RC3H1: variants seen among roughly 807,000 people sequenced by gnomAD.
The protein encoded by RC3H1 is ring finger and CCCH-type domains 1, also known as roquin-1.
A neutral mutation model predicts 138.2 loss-of-function variants in RC3H1; 50 were observed. That is an observed-to-expected ratio of 0.36 (90% CI 0.29 to 0.46). The LOEUF is 0.46. RC3H1 is among the 20% of genes least tolerant of loss of function. The pLI is 1.00. For synonymous variants in RC3H1, 462 were observed against 489.1 expected, an observed-to-expected ratio of 0.94 and a Z score of 0.73; for missense variants, 1,031 against 1,388.1, an observed-to-expected ratio of 0.74 and a Z score of 4.09.
chr1:173,980,255 GAA>G (rs1209819661), intron 6 of RC3H1, among the ~76,000 whole-genome samples: 66 of 76,130 alleles, frequency 8.7e-4, no homozygotes, highest in African/African-American at 3.3e-3. Flanking sequence ...TTAGAAATAG[GAA>G]AAAAAAAAAA....
rs1659914919 is a variant in RC3H1 at position 173,962,149 on chromosome 1, T to C, written c.1832-54A>G. 6.7e-6 allele frequency: 10 copies of C among 1,491,646 alleles called. No homozygotes were observed. The South Asian group carries it at 1.2e-4, about 18-fold the overall frequency. The allele number at this position is 1,491,646 out of a possible 1,614,324, so 92.4% of individuals were successfully genotyped here. On this transcript the variant is annotated intron_variant, in intron 11 of 19. Coordinates refer to ENST00000367696, the MANE Select transcript of RC3H1 (RefSeq NM_172071.4). Reference sequence around the variant, plus strand: ...CAAATAATGAGCCAATTTAGTTTTCTATGTAAGATTTTACCTTTTAAAATA... The same window carrying C: ...CAAATAATGAGCCAATTTAGTTTTCCATGTAAGATTTTACCTTTTAAAATA...
intron 7 of RC3H1, among the ~76,000 whole-genome samples, chr1:173,976,759 T>C (rs1285648164): frequency 6.6e-6 from 1 of 152,164 alleles, no homozygotes; most frequent in Non-Finnish European, 1.5e-5. Flanking sequence ...GTAACATTGA[T>C]CTGGTTTACT....
chr1:174,017,944 T>G (rs1661893379), intron 1 of RC3H1, among the ~76,000 whole-genome samples: 1 of 152,148 alleles, frequency 6.6e-6, no homozygotes, highest in Admixed American at 6.6e-5. Flanking sequence ...AACATTGTTA[T>G]GCCTGTAATC....
rs1275175681 is a variant in RC3H1 at position 173,965,146 on chromosome 1, C to A, written c.1335-26G>T. On this transcript the variant is annotated intron_variant, in intron 9 of 19. Coordinates refer to ENST00000367696, the MANE Select transcript of RC3H1 (RefSeq NM_172071.4). ...CTATATAAAAAGCATAGGCACATAT[C>A]AAAAAGCAAATATAAAAGCAAAACC... The A allele has an allele frequency of 1.9e-6, 3 of 1,567,176 alleles. No individual in the cohort carries two copies. The highest frequency in any genetic ancestry group is 2.8e-5 in the African/African-American group (2 of 72,366).
chr1:173,952,163 CAAA>C (rs74263815), intron 13 of RC3H1, 25 bp from the exon 14 acceptor site: 251 of 946,284 alleles, frequency 2.7e-4, no homozygotes, highest in South Asian at 9.7e-4. Flanking sequence ...AGAAAAAAAA[CAAA>C]AAAAAAAAAA....
chr1:173,955,825 T>C (rs1659620492), intron 13 of RC3H1, among the ~76,000 whole-genome samples: 1 of 152,150 alleles, frequency 6.6e-6, no homozygotes, highest in Non-Finnish European at 1.5e-5. Context: ...ACTGCTCTCT[T>C]CTTCAAAGAA....
intron 2 of RC3H1, among the ~76,000 whole-genome samples, chr1:173,991,063 C>T (rs751074895): frequency 2.5e-4 from 38 of 152,024 alleles, no homozygotes; most frequent in African/African-American, 9.2e-4. Flanking sequence ...AACCCTGTCT[C>T]GACTAAAAAT....
chr1:174,013,039 A>T (rs1405557828), intron 1 of RC3H1, among the ~76,000 whole-genome samples: 6 of 151,920 alleles, frequency 3.9e-5, no homozygotes, highest in Non-Finnish European at 5.9e-5. Context: ...TTAGAAAATT[A>T]AAAAAAAGAA....
intron 2 of RC3H1, among the ~76,000 whole-genome samples, chr1:173,987,374 T>C (rs1661073364): frequency 6.6e-6 from 1 of 152,238 alleles, no homozygotes; most frequent in Admixed American, 6.5e-5. Context: ...TGGGTTATGA[T>C]CCAATTCCAT....
intron 1 of RC3H1, among the ~76,000 whole-genome samples, chr1:174,004,638 T>G (rs556571510): frequency 7.2e-6 from 1 of 139,030 alleles, no homozygotes; most frequent in South Asian, 2.3e-4. Context: ...GAACCCCATC[T>G]CTACTAAAAA....
At position 173,986,508 on chromosome 1, in the gene RC3H1, G is replaced by A. The variant is rs1661038691; in HGVS notation, c.232-1889C>T. On this transcript the variant is annotated intron_variant, in intron 2 of 19. Coordinates refer to ENST00000367696, the MANE Select transcript of RC3H1 (RefSeq NM_172071.4). ...TTGCCCAGACTGGCCTCGAATTCCT[G>A]GGCTCAAGCCATCCACCCACCTTGG... is the stretch of plus-strand genomic sequence containing the variant. 2.0e-5 allele frequency among the ~76,000 whole-genome samples: 3 copies of A among 152,026 alleles called. 1 individual carries two copies. In the South Asian group the frequency reaches 6.2e-4, roughly 32 times the overall value.
At chr1:174,014,472 T>C (rs1661822351) in intron 1 of RC3H1, among the ~76,000 whole-genome samples, 1 of 152,014 alleles carries the variant, frequency 6.6e-6, no homozygotes, top group South Asian at 2.1e-4. Context: ...GGGAAGAAAA[T>C]GAGAATGGCA....
intron 1 of RC3H1, among the ~76,000 whole-genome samples, chr1:173,994,806 A>G (rs1304546187): frequency 6.6e-6 from 1 of 151,722 alleles, no homozygotes; most frequent in African/African-American, 2.4e-5. Flanking sequence ...CAAAAAAAAA[A>G]AAAAAAAAGA....
intron 7 of RC3H1, among the ~76,000 whole-genome samples, chr1:173,973,592 T>C (rs1660456229): frequency 6.6e-6 from 1 of 151,888 alleles, no homozygotes; most frequent in Non-Finnish European, 1.5e-5. Flanking sequence ...CTCTGCTACA[T>C]GTTTTCTTCA....
At chr1:174,021,249 A>ACAGTTTGTC (rs1661951606) in intron 1 of RC3H1, among the ~76,000 whole-genome samples, 2 of 152,148 alleles carry the variant, frequency 1.3e-5, no homozygotes, top group South Asian at 4.1e-4. Context: ...TTTAAACATT[A>ACAGTTTGTC]CAGTTTGTCT....
At chr1:173,955,176 A>G (rs910893833) in intron 13 of RC3H1, among the ~76,000 whole-genome samples, 2 of 139,652 alleles carry the variant, frequency 1.4e-5, no homozygotes, top group African/African-American at 5.3e-5. Context: ...CAGTGAGCCG[A>G]GATCACGCCA....
At chr1:173,990,352 T>C (rs1571229601) in intron 2 of RC3H1, among the ~76,000 whole-genome samples, 1 of 152,094 alleles carries the variant, frequency 6.6e-6, no homozygotes, top group Non-Finnish European at 1.5e-5. Context: ...CTATTGGGAT[T>C]ATAGGCATGA....
At chr1:173,984,186 C>T (rs763003867) in intron 3 of RC3H1, among the ~76,000 whole-genome samples, 1 of 152,174 alleles carries the variant, frequency 6.6e-6, no homozygotes, top group African/African-American at 2.4e-5. Context: ...TTGCTATTAT[C>T]ATCATTCGAA....
In RC3H1 at chr1:173,931,969, A is replaced by T. The variant is rs1023051975; in HGVS notation, c.*6752T>A. On this transcript the variant is annotated 3_prime_UTR_variant, in exon 20 of 20. Transcript: ENST00000367696. ...GAAAGAATAGGGAGCTGTGGCAATA[A>T]AAAAACAAAAAAATGCAAGAAAACT... 1 of 152,160 alleles carries T rather than the reference A, an allele frequency of 6.6e-6. No individual in the cohort carries two copies. The highest frequency in any genetic ancestry group is 1.5e-5 in the Non-Finnish European group (1 of 68,014). 9.4% of individuals were successfully genotyped at this position (152,160 alleles called of 1,614,324 possible).
Sources: gnomAD v4.1 joint callset for allele counts (sites outside exome capture counted in the v4.1 genomes callset) on GRCh38, gnomAD v4.1.1 for gene constraint, MANE v1.5 for transcripts, NCBI Gene and HGNC (gene_info 2026-07-23, HGNC 2026-07-21) for gene names.